ARHGAP35: variants seen among roughly 807,000 people sequenced by gnomAD.
ARHGAP35 encodes the protein Rho GTPase activating protein 35, also known as rho GTPase-activating protein 35.
In ARHGAP35, 15 loss-of-function variants were observed where a neutral mutation model predicts 111.1. The observed-to-expected ratio is 0.13, with a 90% confidence interval of 0.09 to 0.21. The LOEUF (loss-of-function observed/expected upper bound fraction) is 0.21. ARHGAP35 is among the 10% of genes least tolerant of loss of function. The probability of loss-of-function intolerance (pLI) is 1.00; values close to 1 mark genes in which losing one functional copy is unlikely to be tolerated. For synonymous variants in ARHGAP35, 643 were observed against 710.3 expected (o/e 0.91, Z 1.51); for missense variants, 1,262 against 1,873.0 (o/e 0.67, Z 6.02).
At chr19:46,963,667 C>A (rs1032467176) in intron 3 of ARHGAP35, among the ~76,000 whole-genome samples, 36 of 152,106 alleles carry the variant, frequency 2.4e-4, no homozygotes, top group African/African-American at 8.0e-4. Context: ...TGTGATCTAA[C>A]TTTTCACCTT....
chr19:46,996,712 C>T (rs1456184168), intron 5 of ARHGAP35, among the ~76,000 whole-genome samples: 1 of 152,210 alleles, frequency 6.6e-6, no homozygotes, highest in East Asian at 1.9e-4. Flanking sequence ...GGGGGCATGA[C>T]GATTTTATTA....
At chr19:46,876,924 A>C (rs1160787181) in intron 1 of ARHGAP35, among the ~76,000 whole-genome samples, 2 of 152,182 alleles carry the variant, frequency 1.3e-5, no homozygotes, top group Non-Finnish European at 2.9e-5. Context: ...AAAGCCAGTC[A>C]CACGAAGTTT....
At chr19:46,894,161 C>G (rs2056041194) in intron 1 of ARHGAP35, among the ~76,000 whole-genome samples, 1 of 152,118 alleles carries the variant, frequency 6.6e-6, no homozygotes, top group South Asian at 2.1e-4. Flanking sequence ...GATGCAATCC[C>G]TTGCCTGTGG....
At chr19:46,951,836 C>A (rs1032811150) in intron 3 of ARHGAP35, among the ~76,000 whole-genome samples, 2 of 152,324 alleles carry the variant, frequency 1.3e-5, no homozygotes, top group Admixed American at 1.3e-4. Context: ...GCCCACGTGA[C>A]TTGTTCTCCC....
intron 3 of ARHGAP35, among the ~76,000 whole-genome samples, chr19:46,983,466 C>T (rs571059413): frequency 6.6e-6 from 1 of 152,066 alleles, no homozygotes; most frequent in Non-Finnish European, 1.5e-5. Flanking sequence ...ACCAGGTATT[C>T]ATCTTTTTAA....
rs56236400 is a variant in ARHGAP35 at position 46,999,635 on chromosome 19, G to A, written c.4142+226G>A. ...CTGCTCCTGTCTGAGGGCAGCCCAC[G>A]TGGCCTCAAACCTGCCTAACACCAG... is the stretch of plus-strand genomic sequence containing the variant. On this transcript the variant is annotated intron_variant, in intron 6 of 6. Coordinates refer to ENST00000672722, the MANE Select transcript of ARHGAP35 (RefSeq NM_004491.5). This position sits in a 1 kb window ranked among gnomAD's most constrained non-coding sequence, Gnocchi z 5.4. 0.013 allele frequency: 7,149 copies of A among 545,540 alleles called. 151 individuals carry two copies. The highest frequency in any genetic ancestry group is 0.013 in the Middle Eastern group (26 of 2,052). The allele number at this position is 545,540 out of a possible 1,614,324, so 33.8% of individuals were successfully genotyped here. A position where few individuals can be genotyped will look rare whatever the true frequency, so the allele number is the denominator to read the frequency against.
intron 3 of ARHGAP35, among the ~76,000 whole-genome samples, chr19:46,987,112 G>A (rs1057467191): frequency 5.3e-5 from 8 of 151,586 alleles, no homozygotes; most frequent in African/African-American, 1.9e-4. Context: ...ACAAGCATGA[G>A]CCAAGTGCTG....
rs1239069338 is a variant in ARHGAP35 at position 46,945,737 on chromosome 19, C to A, written c.3826+8329C>A. On this transcript the variant is annotated intron_variant, in intron 3 of 6. Coordinates refer to ENST00000672722, the MANE Select transcript of ARHGAP35 (RefSeq NM_004491.5). This position sits in a 1 kb window ranked among gnomAD's most constrained non-coding sequence, Gnocchi z 4.1. ...CCCAGCCTCTCCTCAGCCTCACTTGCTATTTAACTAGAAATAGCATTCTCT... is the reference window on the plus strand; with the variant it reads ...CCCAGCCTCTCCTCAGCCTCACTTGATATTTAACTAGAAATAGCATTCTCT... Among the ~76,000 whole-genome samples the A allele has an allele frequency of 1.3e-5, 2 of 152,128 alleles. No individual in the cohort carries two copies. Among genetic ancestry groups the A allele is most frequent in the African/African-American group, 4.8e-5 (2 of 41,426 alleles).
In ARHGAP35 at chr19:46,994,975, G is replaced by A. The variant is rs1257726803; in HGVS notation, c.4037-4329G>A. Among the ~76,000 whole-genome samples the A allele has an allele frequency of 6.6e-6, 1 of 152,190 alleles. No homozygotes were observed. The highest frequency in any genetic ancestry group is 1.5e-5 in the Non-Finnish European group (1 of 68,040). On this transcript the variant is annotated intron_variant, in intron 5 of 6. Coordinates refer to ENST00000672722, the MANE Select transcript of ARHGAP35 (RefSeq NM_004491.5). The surrounding 1 kb of genome is among the most constrained non-coding windows in gnomAD (Gnocchi z 5.4). Reference sequence around the variant, plus strand: ...CCTTCTCATGCTCACCTGCCTCTGGGTCAGAGTCACCTCCTCCCTCGCTGA... The same window carrying A: ...CCTTCTCATGCTCACCTGCCTCTGGATCAGAGTCACCTCCTCCCTCGCTGA...
intron 1 of ARHGAP35, among the ~76,000 whole-genome samples, chr19:46,894,476 C>T (rs570867141): frequency 4.4e-5 from 6 of 135,274 alleles, no homozygotes; most frequent in Admixed American, 8.1e-5. Flanking sequence ...GAGACGGAGT[C>T]GCTCTGTTGC....
intron 1 of ARHGAP35, among the ~76,000 whole-genome samples, chr19:46,867,832 G>A (rs1308057791): frequency 6.6e-6 from 1 of 151,454 alleles, no homozygotes; most frequent in African/African-American, 2.4e-5. Context: ...GGCTTTAAAT[G>A]CTTAGAGGGC....
Position 46,988,107 on chromosome 19 carries a change from T to C in ARHGAP35, c.3904+41T>C. On this transcript the variant is annotated intron_variant, in intron 4 of 6. Coordinates refer to ENST00000672722, the MANE Select transcript of ARHGAP35 (RefSeq NM_004491.5). The surrounding 1 kb of genome is among the most constrained non-coding windows in gnomAD (Gnocchi z 5.4). Reference sequence around the variant, plus strand: ...GCCAGGCATCCGAGGCCAGAGCTGGTCAAGGCAGACACAGCTGCCTCGGTG... The same window carrying C: ...GCCAGGCATCCGAGGCCAGAGCTGGCCAAGGCAGACACAGCTGCCTCGGTG... The C allele has an allele frequency of 6.3e-7, 1 of 1,590,706 alleles. No individual in the cohort carries two copies. The highest frequency in any genetic ancestry group is 8.6e-7 in the Non-Finnish European group (1 of 1,162,928).
intron 3 of ARHGAP35, among the ~76,000 whole-genome samples, chr19:46,938,481 T>C (rs2056323833): frequency 6.6e-6 from 1 of 150,928 alleles, no homozygotes. Context: ...AGCCTCTGAG[T>C]AGCTGGGATT....
In ARHGAP35 at chr19:46,921,104, A is replaced by G. The variant is rs751173660; in HGVS notation, c.2429A>G (p.Lys810Arg). 18 of 1,613,960 alleles carry G rather than the reference A, an allele frequency of 1.1e-5. No individual in the cohort carries two copies. Among genetic ancestry groups the G allele is most frequent in the Non-Finnish European group, 1.4e-5 (17 of 1,179,892 alleles). Residue 810 changes from lysine (K) to arginine (R), a missense_variant, in exon 2 of 7, where the codon AAA becomes AGA. Physicochemically the swap from Lys to Arg is conservative, Grantham distance 26. This residue lies in a region of ARHGAP35 where 579 missense variants were observed against 716.9 expected (regional missense o/e 0.81). Coordinates refer to ENST00000672722, the MANE Select transcript of ARHGAP35 (RefSeq NM_004491.5). The surrounding 1 kb of genome is among the most constrained non-coding windows in gnomAD (Gnocchi z 4.3). The part of the protein sequence containing the change: ...LFPVLQSQTC[K>R]SSHCGSNNSV... Reference sequence around the variant, plus strand: ...CCTGTCCTTCAGTCCCAAACCTGTAAATCTTCCCATTGTGGAAGCAACAAC... The same window carrying G: ...CCTGTCCTTCAGTCCCAAACCTGTAGATCTTCCCATTGTGGAAGCAACAAC...
chr19:46,890,823 G>A (rs992749872), intron 1 of ARHGAP35, among the ~76,000 whole-genome samples: 2 of 152,180 alleles, frequency 1.3e-5, no homozygotes, highest in Non-Finnish European at 2.9e-5. Context: ...CTTTTCTGTC[G>A]ACAACAGTAT....
chr19:46,920,349 A>G lies in ARHGAP35; in HGVS notation c.1674A>G (p.Thr558=), dbSNP rs201308561. The G allele has an allele frequency of 2.5e-6, 4 of 1,613,980 alleles. No homozygotes were observed. In the African/African-American group the frequency reaches 4.0e-5, roughly 16 times the overall value. ...IHFVYHPTKE[T]CPSCPACVDA... ...TTGTGTACCACCCAACAAAGGAGACATGCCCCAGCTGCCCAGCTTGTGTGG... is the reference window on the plus strand; with the variant it reads ...TTGTGTACCACCCAACAAAGGAGACGTGCCCCAGCTGCCCAGCTTGTGTGG... Residue 558 remains threonine (T), a synonymous_variant, in exon 2 of 7, where the codon ACA becomes ACG. Transcript: ENST00000672722. The surrounding 1 kb of genome is among the most constrained non-coding windows in gnomAD (Gnocchi z 7.0).
chr19:46,900,063 T>G (rs1351866382), intron 1 of ARHGAP35, among the ~76,000 whole-genome samples: 2 of 152,214 alleles, frequency 1.3e-5, no homozygotes, highest in African/African-American at 4.8e-5. Flanking sequence ...CTTATGCTCT[T>G]GAAAAGGTCT....
At chr19:46,880,477 T>C (rs1374385579) in intron 1 of ARHGAP35, among the ~76,000 whole-genome samples, 1 of 152,164 alleles carries the variant, frequency 6.6e-6, no homozygotes, top group Non-Finnish European at 1.5e-5. Flanking sequence ...TATTATGAGA[T>C]TGCAACAATT....
chr19:46,957,440 C>G (rs2056446284), intron 3 of ARHGAP35, among the ~76,000 whole-genome samples: 3 of 152,024 alleles, frequency 2.0e-5, no homozygotes, highest in African/African-American at 7.2e-5. Flanking sequence ...ATAGGGAAAC[C>G]CTGCCTGTAC....
Sources: gnomAD v4.1 joint callset for allele counts (sites outside exome capture counted in the v4.1 genomes callset) on GRCh38, gnomAD v4.1.1 for gene constraint, gnomAD v4.1.1 regional missense constraint, Gnocchi (gnomAD v3.1) non-coding constraint, MANE v1.5 for transcripts, NCBI Gene and HGNC (gene_info 2026-07-23, HGNC 2026-07-21) for gene names.